Variants in LDB1 observed in about 807,000 individuals in gnomAD.
LDB1 encodes the protein LIM domain-binding protein 1.
In LDB1, 6 loss-of-function variants were observed where a neutral mutation model predicts 49.7. That is an observed-to-expected ratio of 0.12 (90% CI 0.07 to 0.24). The LOEUF (loss-of-function observed/expected upper bound fraction) is 0.24, where lower values mean the gene tolerates loss of function less well. Among genes scored for constraint, LDB1 ranks in the 10% least tolerant of loss-of-function variants. LDB1 has a pLI of 1.00. For missense variants in LDB1, 341 were observed against 561.7 expected, an observed-to-expected ratio of 0.61 and a Z score of 3.97; for synonymous variants, 233 against 202.0, an observed-to-expected ratio of 1.15 and a Z score of -1.30.
In LDB1 at chr10:102,109,207, A is replaced by T. The variant is rs1252196952; in HGVS notation, c.857-30T>A. 2.5e-6 allele frequency: 4 copies of T among 1,612,252 alleles called. No individual in the cohort carries two copies. The South Asian group carries it at 3.3e-5, about 13-fold the overall frequency. ...GCCGGTAAACGGAGACTCAGATGGG[A>T]GAGGGCCCCAGGTCCCCTATTCTCC... On this transcript the variant is annotated intron_variant, in intron 9 of 10. Coordinates refer to ENST00000673968, the MANE Select transcript of LDB1 (RefSeq NM_001113407.3). This position sits in a 1 kb window ranked among gnomAD's most constrained non-coding sequence, Gnocchi z 5.8.
intron 1 of LDB1, among the ~76,000 whole-genome samples, chr10:102,112,572 C>T (rs978975487): frequency 2.0e-5 from 3 of 152,164 alleles, no homozygotes; most frequent in Admixed American, 1.3e-4. Context: ...TCCCCACTAA[C>T]GGCCACTCCC....
chr10:102,102,941 A>C (rs1017322246), downstream of LDB1, among the ~76,000 whole-genome samples: 1 of 152,182 alleles, frequency 6.6e-6, no homozygotes, highest in African/African-American at 2.4e-5. Flanking sequence ...AGCTGGGACT[A>C]TAGGCACAGA....
intron 1 of LDB1, chr10:102,114,753 C>G (rs1401009943): frequency 5.7e-5 from 45 of 795,702 alleles, no homozygotes; most frequent in Non-Finnish European, 6.4e-5. Context: ...TTTCCTCTCT[C>G]CTCCTCCTCC....
chr10:102,120,654 G>A (rs990551986), upstream of LDB1, among the ~76,000 whole-genome samples: 13 of 152,292 alleles, frequency 8.5e-5, no homozygotes, highest in Admixed American at 6.5e-5. Flanking sequence ...GGAACGGCAT[G>A]CATGTGACGC....
chr10:102,103,308 G>A (rs1207238322), downstream of LDB1, among the ~76,000 whole-genome samples: 1 of 146,466 alleles, frequency 6.8e-6, no homozygotes, highest in African/African-American at 2.6e-5. Context: ...GAGTACAGGC[G>A]TTCTGAACCA....
intron 1 of LDB1, 72 bp from the exon 2 acceptor site, chr10:102,111,608 A>G: frequency 2.3e-6 from 2 of 851,432 alleles, no homozygotes; most frequent in Non-Finnish European, 1.8e-6. Context: ...TTGGGAGTCC[A>G]AGGCAAGAAG....
chr10:102,107,339 C>T lies in LDB1; in HGVS notation c.*754G>A, dbSNP rs2068177793. 6.6e-6 allele frequency among the ~76,000 whole-genome samples: 1 copy of T among 151,990 alleles called. No individual in the cohort carries two copies. Among genetic ancestry groups the T allele is most frequent in the African/African-American group, 2.4e-5 (1 of 41,342 alleles). Reference sequence around the variant, plus strand: ...GTCACCAAAATGTGGCCACCAATGTCCCCCTACCCCATGGCATGCTTTCCT... The same window carrying T: ...GTCACCAAAATGTGGCCACCAATGTTCCCCTACCCCATGGCATGCTTTCCT... On this transcript the variant is annotated 3_prime_UTR_variant, in exon 11 of 11. Coordinates refer to ENST00000673968, the MANE Select transcript of LDB1 (RefSeq NM_001113407.3).
chr10:102,121,091 G>C (rs2068414285), upstream of LDB1, among the ~76,000 whole-genome samples: 1 of 152,154 alleles, frequency 6.6e-6, no homozygotes, highest in South Asian at 2.1e-4. Context: ...GGTTAATTAA[G>C]TGGGGTCCCC....
In LDB1 at chr10:102,108,340, TC is replaced by T. The variant is rs1245856385; in HGVS notation, c.1006-18del. 3 of 1,601,312 alleles carry T rather than the reference TC, an allele frequency of 1.9e-6. No individual in the cohort carries two copies. Among genetic ancestry groups the T allele is most frequent in the Non-Finnish European group, 2.6e-6 (3 of 1,169,652 alleles). ...CATCACATCCTGAGAGTGGCGGAGGTCCCCAAACATAATCGGGGCAAGGGCT... is the reference window on the plus strand; with the variant it reads ...CATCACATCCTGAGAGTGGCGGAGGTCCCAAACATAATCGGGGCAAGGGCT... On this transcript the variant is annotated intron_variant, in intron 10 of 10. Coordinates refer to ENST00000673968, the MANE Select transcript of LDB1 (RefSeq NM_001113407.3).
In LDB1 at chr10:102,117,562, AC is replaced by A. The variant is rs969965324; in HGVS notation, c.25+2523del. 2.1e-4 allele frequency among the ~76,000 whole-genome samples: 32 copies of A among 152,114 alleles called. No individual in the cohort carries two copies. The highest frequency in any genetic ancestry group is 7.7e-4 in the African/African-American group (32 of 41,508). On this transcript the variant is annotated intron_variant, in intron 1 of 10. Transcript: ENST00000673968. The surrounding 1 kb of genome is among the most constrained non-coding windows in gnomAD (Gnocchi z 4.2). ...CTGCCCGGGCCCCTGGGGCTCCCTG[AC>A]CCAGGCCTCCAGTGTGCCTGCCCCC... is the stretch of plus-strand genomic sequence containing the variant.
intron 1 of LDB1, among the ~76,000 whole-genome samples, chr10:102,115,663 C>A (rs1242852768): frequency 6.6e-6 from 1 of 151,964 alleles, no homozygotes; most frequent in Admixed American, 6.6e-5. Context: ...CTAGGGAAAG[C>A]CAACTTGGCC....
chr10:102,105,986 AAACC>A (rs1208836191), downstream of LDB1, among the ~76,000 whole-genome samples: 1 of 151,912 alleles, frequency 6.6e-6, no homozygotes, highest in Non-Finnish European at 1.5e-5. Flanking sequence ...CAAAATAAAT[AAACC>A]AACTAACCAA....
At chr10:102,120,488 A>C (rs2133541526), upstream of LDB1, 1 of 667,508 alleles carries the variant, frequency 1.5e-6, no homozygotes, top group Non-Finnish European at 1.9e-6. Context: ...CCGGCTCCCC[A>C]GCCCAAGCCG....
chr10:102,119,861 C>T (rs1259812771), intron 1 of LDB1, among the ~76,000 whole-genome samples: 2 of 150,614 alleles, frequency 1.3e-5, no homozygotes, highest in Admixed American at 6.6e-5. Flanking sequence ...AAAACATACA[C>T]ATAAGCCACC....
chr10:102,108,677 C>G (rs1004074865), intron 10 of LDB1, among the ~76,000 whole-genome samples: 2 of 152,136 alleles, frequency 1.3e-5, no homozygotes, highest in Admixed American at 6.6e-5. Context: ...TGTGCATGTG[C>G]AAGGGTATGT....
chr10:102,114,962 C>A (rs2068316064), intron 1 of LDB1: 1 of 467,640 alleles, frequency 2.1e-6, no homozygotes. Context: ...CTCCCTGCCT[C>A]CCTCCCTCCC....
rs1233122876 is a variant in LDB1 at position 102,111,290 on chromosome 10, T to A, written c.139A>T (p.Met47Leu). ...MLDRDVGPTP[M>L]YPPTYLEPGI... ...GGCTCCAGGTATGTAGGCGGATACA[T>A]GGGAGTTGGGCTGTGTAAAGGAAGA... The change falls in exon 3 of 11, where the codon ATG (methionine) becomes TTG (leucine). Residue 47 changes from methionine to leucine, a missense_variant. This residue lies in a region of LDB1 where 48 missense variants were observed against 43.9 expected (regional missense o/e 1.09). Transcript: ENST00000673968. The A allele has an allele frequency of 2.5e-6, 4 of 1,613,940 alleles. No individual in the cohort carries two copies. The highest frequency in any genetic ancestry group is 3.4e-6 in the Non-Finnish European group (4 of 1,179,932).
intron 1 of LDB1, chr10:102,114,635 T>TGGGACGG: frequency 3.2e-6 from 3 of 934,484 alleles, no homozygotes; most frequent in Non-Finnish European, 3.8e-6. Flanking sequence ...CAATGGCCAC[T>TGGGACGG]GGGCCGGGGG....
chr10:102,119,939 C>G (rs1486933773), intron 1 of LDB1, 147 bp downstream of exon 1: 11 of 480,308 alleles, frequency 2.3e-5, no homozygotes, highest in Non-Finnish European at 3.1e-5. Flanking sequence ...CGCTACCCGC[C>G]AGCCTGAGGC....
Sources: allele counts gnomAD v4.1 joint callset (sites outside exome capture counted in the v4.1 genomes callset), GRCh38; gene constraint gnomAD v4.1.1; regional missense constraint gnomAD v4.1.1; non-coding constraint Gnocchi (gnomAD v3.1); transcripts MANE v1.5; gene names NCBI Gene and HGNC (gene_info 2026-07-23, HGNC 2026-07-21).